Variants in NLRP12 observed in about 807,000 individuals in gnomAD.
The protein encoded by NLRP12 is NLR family pyrin domain containing 12.
A neutral mutation model predicts 91.2 loss-of-function variants in NLRP12; 108 were observed. That is an observed-to-expected ratio of 1.18 (90% CI 1.01 to 1.39). The LOEUF is 1.39. Among genes scored for constraint, NLRP12 ranks in the 40% most tolerant of loss-of-function variants. NLRP12 has a pLI of 0.00. For synonymous variants in NLRP12, 613 were observed against 566.7 expected, an observed-to-expected ratio of 1.08 and a Z score of -1.16; for missense variants, 1,530 against 1,352.7, an observed-to-expected ratio of 1.13 and a Z score of -2.06.
intron 4 of NLRP12, 42 bp from the exon 5 acceptor site, chr19:53,805,492 GCT>G (rs2091944374): frequency 6.3e-7 from 1 of 1,599,438 alleles, no homozygotes; most frequent in Non-Finnish European, 8.5e-7. Flanking sequence ...CATTTCTTTT[GCT>G]CCAGTTTTGT....
rs201596732 is a variant in NLRP12, at chr19:53,801,227, C to T, written c.2756G>A (p.Arg919Gln). The stretch of plus-strand genomic sequence containing the variant: ...GCGTGGTGAGCAAAACGGGACTCAC[C>T]GCAGGGTCTGGAGCTTGCACGTGGG... ...RHPTCKLQTL[R>Q]LGICRLGSAA... Residue 919 changes from arginine (R) to glutamine (Q), a missense_variant and splice_region_variant, in exon 7 of 10, where the codon CGG becomes CAG. Physicochemically the swap from Arg to Gln is conservative, Grantham distance 43 (BLOSUM62 1). Coordinates refer to ENST00000324134, the MANE Select transcript of NLRP12 (RefSeq NM_144687.4). 46 of 1,613,696 alleles carry T rather than the reference C, an allele frequency of 2.9e-5. No homozygotes were observed. In the African/African-American group the frequency reaches 3.3e-4, roughly 12 times the overall value.
intron 6 of NLRP12, among the ~76,000 whole-genome samples, chr19:53,801,746 C>T (rs370090898): frequency 2.0e-5 from 3 of 151,800 alleles, no homozygotes; most frequent in Non-Finnish European, 2.9e-5. Flanking sequence ...TGAGCCACTG[C>T]GCCTAGGCCC....
chr19:53,795,086 T>G (rs1484246087), intron 9 of NLRP12, among the ~76,000 whole-genome samples: 1 of 146,088 alleles, frequency 6.8e-6, no homozygotes, highest in African/African-American at 2.6e-5. Flanking sequence ...TAGAGGTGTG[T>G]GCCACCATAC....
At chr19:53,803,491 C>A (rs939484049) in intron 6 of NLRP12, among the ~76,000 whole-genome samples, 11 of 151,230 alleles carry the variant, frequency 7.3e-5, no homozygotes, top group African/African-American at 2.4e-4. Context: ...ATCTCTGGAA[C>A]TTTTTCATCT....
At chr19:53,794,563 G>C (rs1362687468) in intron 9 of NLRP12, among the ~76,000 whole-genome samples, 1 of 150,498 alleles carries the variant, frequency 6.6e-6, no homozygotes, top group African/African-American at 2.5e-5. Context: ...CTCGTGATCC[G>C]CCCACCTCGG....
At chr19:53,814,727 A>G (rs2092130645) in intron 2 of NLRP12, among the ~76,000 whole-genome samples, 181 bp downstream of exon 2, 1 of 152,206 alleles carries the variant, frequency 6.6e-6, no homozygotes, top group Non-Finnish European at 1.5e-5. Flanking sequence ...GACACGTGTC[A>G]GGACAAAATG....
At chr19:53,803,720 T>C (rs1409136075) in intron 6 of NLRP12, 1 of 501,818 alleles carries the variant, frequency 2.0e-6, no homozygotes, top group Admixed American at 2.5e-5. Context: ...ATTACAGGCG[T>C]GTGCCACCAC....
rs768914716 is a variant in NLRP12 at position 53,805,453 on chromosome 19, G to A, written c.2244-3C>T. 1.9e-6 allele frequency: 3 copies of A among 1,613,782 alleles called. No individual in the cohort carries two copies. The highest frequency in any genetic ancestry group is 1.7e-5 in the Admixed American group (1 of 59,986). On this transcript the variant is annotated splice_region_variant and splice_polypyrimidine_tract_variant and intron_variant, in intron 4 of 9. Transcript: ENST00000324134. Reference sequence around the variant, plus strand: ...TGGAGATGCGGCACCTCTTCAGCCTGGGGTGGAAAAGAGGAGAAAGGAGCT... The same window carrying A: ...TGGAGATGCGGCACCTCTTCAGCCTAGGGTGGAAAAGAGGAGAAAGGAGCT...
chr19:53,805,559 C>G, intron 4 of NLRP12, 109 bp from the exon 5 acceptor site: 1 of 1,260,972 alleles, frequency 7.9e-7, no homozygotes, highest in Non-Finnish European at 1.1e-6. Flanking sequence ...GCTCTGTCAC[C>G]CAGGCTGGAG....
chr19:53,822,934 A>T (rs900107576), intron 1 of NLRP12, among the ~76,000 whole-genome samples: 7 of 151,274 alleles, frequency 4.6e-5, no homozygotes, highest in African/African-American at 1.7e-4. Context: ...CGCCTGGCTA[A>T]TTTTTGTATT....
Position 53,794,008 on chromosome 19 carries a change from C to G in NLRP12, c.*41G>C, listed in dbSNP as rs1278291818. ...GGGTGATGAGCACCCTCCCATCTTCCTCTGTCCAGATCTCAGGGGAGAGCC... is the reference window on the plus strand; with the variant it reads ...GGGTGATGAGCACCCTCCCATCTTCGTCTGTCCAGATCTCAGGGGAGAGCC... On this transcript the variant is annotated 3_prime_UTR_variant, in exon 10 of 10. Coordinates refer to ENST00000324134, the MANE Select transcript of NLRP12 (RefSeq NM_144687.4). 1 of 1,395,422 alleles carries G rather than the reference C, an allele frequency of 7.2e-7. No homozygotes were observed. Among genetic ancestry groups the G allele is most frequent in the Non-Finnish European group, 1.0e-6 (1 of 980,494 alleles). 86.4% of individuals were successfully genotyped at this position (1,395,422 alleles called of 1,614,324 possible).
rs554602951 is a variant in NLRP12, at chr19:53,807,532, C to T, written c.2206G>A (p.Gly736Arg). The T allele has an allele frequency of 3.2e-4, 523 of 1,614,140 alleles. 10 individuals carry two copies. In the South Asian group the frequency reaches 5.3e-3, roughly 16 times the overall value. The change falls in exon 4 of 10, where the codon GGA becomes AGA. Residue 736 changes from glycine to arginine, a missense_variant. Transcript: ENST00000324134. ...GSRGVKLLCQ[G>R]LRHPNCKLQN... is the part of the protein sequence containing the mutation. ...AGTTTGCAGTTGGGGTGTCTGAGTC[C>T]TTGACAGAGCAGCTTCACCCCCCGG... is the stretch of plus-strand genomic sequence containing the variant.
At chr19:53,796,271 A>C in intron 8 of NLRP12, 1 of 462,876 alleles carries the variant, frequency 2.2e-6, no homozygotes, top group Non-Finnish European at 4.1e-6. Flanking sequence ...GTTTTGTTTG[A>C]GATGGAGTCT....
chr19:53,793,980 G>T lies in NLRP12; in HGVS notation c.*69C>A, dbSNP rs10410581. On this transcript the variant is annotated 3_prime_UTR_variant, in exon 10 of 10. Transcript: ENST00000324134. ...AGGAAGGAGGCTGATCATTATGCTG[G>T]GGGGGTGATGAGCACCCTCCCATCT... is the stretch of plus-strand genomic sequence containing the variant. The T allele has an allele frequency of 0.065, 66,790 of 1,034,734 alleles. 3,041 individuals carry two copies. The highest frequency in any genetic ancestry group is 0.16 in the South Asian group (12,648 of 79,248). 64.1% of individuals were successfully genotyped at this position (1,034,734 alleles called of 1,614,324 possible).
chr19:53,823,423 T>TATATATTTAAAATATATTTTTAAA lies in NLRP12; in HGVS notation c.289+462_289+463insTTTAAAAATATATTTTAAATATAT, dbSNP rs1555799936. Among the ~76,000 whole-genome samples, 52 of 109,896 alleles carry TATATATTTAAAATATATTTTTAAA rather than the reference T, an allele frequency of 4.7e-4. 1 individual carries two copies. Among genetic ancestry groups the TATATATTTAAAATATATTTTTAAA allele is most frequent in the Non-Finnish European group, 7.0e-4 (41 of 58,740 alleles). The allele number at this position is 109,896 out of a possible 152,430, so 72.1% of individuals were successfully genotyped here. A position where few individuals can be genotyped will look rare whatever the true frequency, so the allele number is the denominator to read the frequency against. On this transcript the variant is annotated intron_variant, in intron 1 of 9. Coordinates refer to ENST00000324134, the MANE Select transcript of NLRP12 (RefSeq NM_144687.4). ...ATATATTTAAAATATATGTTTTAAA[T>TATATATTTAAAATATATTTTTAAA]ATATATATTTAAAATATATGTTTTA...
intron 6 of NLRP12, among the ~76,000 whole-genome samples, chr19:53,802,415 A>T (rs1232722953): frequency 6.6e-6 from 1 of 151,624 alleles, no homozygotes; most frequent in Non-Finnish European, 1.5e-5. Context: ...TATTAAAAAT[A>T]AATAGAATGC....
intron 7 of NLRP12, among the ~76,000 whole-genome samples, chr19:53,799,163 C>T (rs1600677727): frequency 6.6e-6 from 1 of 151,502 alleles, no homozygotes; most frequent in East Asian, 2.0e-4. Context: ...CAGGTGCACA[C>T]CACCACGCCC....
chr19:53,803,330 T>G (rs572150240), intron 6 of NLRP12, among the ~76,000 whole-genome samples: 2 of 152,098 alleles, frequency 1.3e-5, no homozygotes, highest in East Asian at 3.9e-4. Flanking sequence ...TATAGGCATG[T>G]GCCACCACGC....
intron 4 of NLRP12, among the ~76,000 whole-genome samples, chr19:53,806,722 G>A (rs1264311598): frequency 7.1e-6 from 1 of 140,862 alleles, no homozygotes; most frequent in Non-Finnish European, 1.5e-5. Flanking sequence ...GCCGGGTGTG[G>A]TTGCACATGC....
Sources: gnomAD v4.1 joint callset for allele counts (sites outside exome capture counted in the v4.1 genomes callset) on GRCh38, gnomAD v4.1.1 for gene constraint, MANE v1.5 for transcripts, NCBI Gene and HGNC (gene_info 2026-07-23, HGNC 2026-07-21) for gene names.